TRAPPC10: variants seen among roughly 807,000 people sequenced by gnomAD.
The protein encoded by TRAPPC10 is trafficking protein particle complex subunit 10.
Under a neutral mutation model 125.5 loss-of-function variants are expected in TRAPPC10, and 23 were observed. That is an observed-to-expected ratio of 0.18 (90% CI 0.13 to 0.26). TRAPPC10 has a LOEUF of 0.26. Ranked by LOEUF, TRAPPC10 falls within the 10% of genes least tolerant of loss-of-function variation. TRAPPC10 has a pLI of 1.00. For missense variants in TRAPPC10, 1,123 were observed against 1,308.4 expected, an observed-to-expected ratio of 0.86 and a Z score of 2.19; for synonymous variants, 509 against 518.0, an observed-to-expected ratio of 0.98 and a Z score of 0.24.
chr21:44,079,960 T>C (rs911133138), intron 12 of TRAPPC10, 55 bp from the exon 13 acceptor site: 7 of 1,489,658 alleles, frequency 4.7e-6, no homozygotes, highest in Non-Finnish European at 6.5e-6. Flanking sequence ...TGCATCCACT[T>C]CCCCCCGCAC....
intron 17 of TRAPPC10, chr21:44,088,723 A>C: frequency 8.0e-6 from 1 of 124,442 alleles, no homozygotes; most frequent in South Asian, 2.0e-4. Flanking sequence ...CACCTGTGCT[A>C]TGTGCCGTGT....
rs757490772 is a variant in TRAPPC10 at position 44,094,212 on chromosome 21, A to G, written c.3147A>G (p.Glu1049=). The G allele has an allele frequency of 5.8e-5, 93 of 1,609,042 alleles. No individual in the cohort carries two copies. The highest frequency in any genetic ancestry group is 7.7e-5 in the Non-Finnish European group (91 of 1,178,758). ...TCTCCTTAAAGCCGTATACTTATGA[A>G]TTTAAAGTGGAAAATTTTTTTGTAA... ...LSISLKPYTY[E]FKVENFFTLY... is the part of the protein sequence containing the mutation. The change falls in exon 20 of 23, where the codon GAA becomes GAG. Residue 1049 remains glutamate, a synonymous_variant. Transcript: ENST00000291574.
At position 44,032,129 on chromosome 21, in the gene TRAPPC10, A is replaced by G. The variant is rs780778487; in HGVS notation, c.106A>G (p.Thr36Ala). The G allele has an allele frequency of 3.2e-5, 51 of 1,613,866 alleles. No homozygotes were observed. The highest frequency in any genetic ancestry group is 2.6e-4 in the South Asian group (24 of 91,066). The change falls in exon 2 of 23, where the codon ACG becomes GCG. Residue 36 changes from threonine to alanine, a missense_variant. Thr to Ala is a moderately conservative substitution (Grantham distance 58, BLOSUM62 0). This residue lies in a region of TRAPPC10 where 177 missense variants were observed against 228.9 expected (regional missense o/e 0.77). Coordinates refer to ENST00000291574, the MANE Select transcript of TRAPPC10 (RefSeq NM_003274.5). ...DQNLFTSVYP[T>A]LSQQLPREPM... ...GAATTTATTTACCTCTGTTTATCCA[A>G]CGCTCTCTCAGCAGCTTCCAAGAGA...
chr21:44,062,670 C>T (rs1048625273), intron 6 of TRAPPC10: 10 of 985,268 alleles, frequency 1.0e-5, no homozygotes, highest in South Asian at 4.7e-5. Context: ...AGCGGGTCCA[C>T]TCCACACTGC....
intron 7 of TRAPPC10, among the ~76,000 whole-genome samples, chr21:44,064,303 ATGTGTG>A (rs10526131): frequency 0.01 from 1,499 of 148,288 alleles, 15 homozygotes; most frequent in Middle Eastern, 0.024. Flanking sequence ...TGTCATAAAT[ATGTGTG>A]TGTGTGTGTG....
intron 3 of TRAPPC10, among the ~76,000 whole-genome samples, chr21:44,043,209 CTTTTTTTTTT>C (rs34708259): frequency 1.1e-5 from 1 of 94,354 alleles, no homozygotes; most frequent in African/African-American, 4.9e-5. Flanking sequence ...AATTATTACG[CTTTTTTTTTT>C]TTTTTTTTTT....
chr21:44,083,372 CTG>C (rs986199538), intron 14 of TRAPPC10, 70 bp downstream of exon 14: 3 of 1,522,064 alleles, frequency 2.0e-6, no homozygotes, highest in Non-Finnish European at 2.7e-6. Context: ...CAAGAACTGT[CTG>C]GAGTGTGCTG....
intron 1 of TRAPPC10, among the ~76,000 whole-genome samples, chr21:44,028,633 G>A (rs1419350953): frequency 1.3e-5 from 2 of 152,220 alleles, no homozygotes; most frequent in Non-Finnish European, 2.9e-5. Context: ...ATGTAGTGAA[G>A]TTGTGTTTTG....
chr21:44,072,224 C>T (rs1277190046), intron 7 of TRAPPC10, among the ~76,000 whole-genome samples: 2 of 152,232 alleles, frequency 1.3e-5, no homozygotes. Context: ...TGGGGTGCAC[C>T]TGTGCTGTCA....
At chr21:44,039,942 T>C (rs768740328) in intron 3 of TRAPPC10, among the ~76,000 whole-genome samples, 3 of 152,118 alleles carry the variant, frequency 2.0e-5, no homozygotes, top group Non-Finnish European at 4.4e-5. Flanking sequence ...TGCCTCTCAT[T>C]TATTTCTGCT....
At chr21:44,037,023 A>G (rs564295976) in intron 2 of TRAPPC10, among the ~76,000 whole-genome samples, 3 of 152,370 alleles carry the variant, frequency 2.0e-5, no homozygotes, top group African/African-American at 7.2e-5. Flanking sequence ...TTTAAGCATC[A>G]GCATAGTCCC....
chr21:44,089,343 C>G (rs542272552), intron 17 of TRAPPC10: 1 of 360,614 alleles, frequency 2.8e-6, no homozygotes, highest in Non-Finnish European at 5.6e-6. Context: ...CTCACTGTGC[C>G]CCTAAACTGA....
chr21:44,078,500 T>G (rs2037446283), intron 11 of TRAPPC10, among the ~76,000 whole-genome samples: 1 of 152,032 alleles, frequency 6.6e-6, no homozygotes, highest in Non-Finnish European at 1.5e-5. Context: ...TCAAGTGATT[T>G]CATTAGGTGA....
intron 1 of TRAPPC10, among the ~76,000 whole-genome samples, chr21:44,015,991 A>G (rs914965168): frequency 6.6e-6 from 1 of 152,200 alleles, no homozygotes; most frequent in East Asian, 1.9e-4. Context: ...CTAGCACAGT[A>G]GGGGCCTTCT....
intron 1 of TRAPPC10, among the ~76,000 whole-genome samples, chr21:44,026,385 A>G (rs1003504235): frequency 6.6e-6 from 1 of 152,156 alleles, no homozygotes; most frequent in Admixed American, 6.5e-5. Context: ...TATAGCAAAT[A>G]CTTTATGCAT....
At chr21:44,089,737 G>T (rs1000224188) in intron 17 of TRAPPC10, 96 bp from the exon 18 acceptor site, 7 of 848,338 alleles carry the variant, frequency 8.3e-6, no homozygotes, top group Non-Finnish European at 1.4e-5. Flanking sequence ...TGTCTAGGGC[G>T]TGGGCGGGCA....
intron 1 of TRAPPC10, among the ~76,000 whole-genome samples, chr21:44,018,152 T>C (rs908829894): frequency 6.6e-6 from 1 of 152,208 alleles, no homozygotes; most frequent in African/African-American, 2.4e-5. Context: ...TCTTTTTTTT[T>C]TTCTTTTTTT....
chr21:44,017,270 T>TA (rs2147124436), intron 1 of TRAPPC10, among the ~76,000 whole-genome samples: 1 of 152,212 alleles, frequency 6.6e-6, no homozygotes, highest in East Asian at 1.9e-4. Context: ...CGAGCATGGT[T>TA]ACAAACCATT....
intron 3 of TRAPPC10, among the ~76,000 whole-genome samples, chr21:44,047,555 TGTGTGTGTGTGC>T (rs1025932341): frequency 5.3e-5 from 8 of 151,080 alleles, no homozygotes; most frequent in Admixed American, 2.6e-4. Context: ...TGTGTGTGTG[TGTGTGTGTGTGC>T]GCGCACACGC....
Sources: gnomAD v4.1 joint callset for allele counts (sites outside exome capture counted in the v4.1 genomes callset) on GRCh38, gnomAD v4.1.1 for gene constraint, gnomAD v4.1.1 regional missense constraint, MANE v1.5 for transcripts, NCBI Gene and HGNC (gene_info 2026-07-23, HGNC 2026-07-21) for gene names.